SLC38A8: variants seen among roughly 807,000 people sequenced by gnomAD.
SLC38A8 encodes solute carrier family 38 member 8.
Under a neutral mutation model 46.0 loss-of-function variants are expected in SLC38A8, and 65 were observed. The ratio of observed to expected loss-of-function variants is 1.41; its 90% CI spans 1.16 to 1.74. SLC38A8 has a LOEUF of 1.74. Among genes scored for constraint, SLC38A8 ranks in the 40% most tolerant of loss-of-function variants. The probability of loss-of-function intolerance (pLI) is 0.00; values close to 1 mark genes in which losing one functional copy is unlikely to be tolerated. For synonymous variants in SLC38A8, 447 were observed against 243.7 expected, an observed-to-expected ratio of 1.83 and a Z score of -7.77; for missense variants, 998 against 567.9, an observed-to-expected ratio of 1.76 and a Z score of -7.70.
chr16:84,015,172 T>C (rs758389686), intron 9 of SLC38A8, among the ~76,000 whole-genome samples: 5 of 152,168 alleles, frequency 3.3e-5, no homozygotes, highest in African/African-American at 9.7e-5. Context: ...GAGTCTCGAC[T>C]GTGTACTCAA....
chr16:84,020,336 G>C (rs1453470847), intron 7 of SLC38A8, among the ~76,000 whole-genome samples: 4 of 152,102 alleles, frequency 2.6e-5, no homozygotes, highest in East Asian at 3.9e-4. Context: ...TGTAGAGACA[G>C]GGTCTCACTA....
chr16:84,010,916 G>A (rs1276811250), intron 10 of SLC38A8, among the ~76,000 whole-genome samples: 2 of 152,250 alleles, frequency 1.3e-5, no homozygotes, highest in East Asian at 1.9e-4. Context: ...GGAGGCAGAG[G>A]TGGCTGGGAC....
chr16:84,038,291 C>G (rs1472939317), intron 2 of SLC38A8, among the ~76,000 whole-genome samples: 1 of 151,534 alleles, frequency 6.6e-6, no homozygotes, highest in Admixed American at 6.6e-5. Context: ...AGCCTGGGCC[C>G]CAAAGCGAGA....
intron 6 of SLC38A8, among the ~76,000 whole-genome samples, chr16:84,026,412 A>C (rs539965341): frequency 1.1e-4 from 17 of 152,294 alleles, no homozygotes; most frequent in African/African-American, 4.1e-4. Context: ...TTTTTAGTGA[A>C]GATGGGGTTT....
rs1597277814 is a variant in SLC38A8 at position 84,036,575 on chromosome 16, G to A, written c.388+127C>T. On this transcript the variant is annotated intron_variant, in intron 3 of 10. Transcript: ENST00000299709. Reference sequence around the variant, plus strand: ...TCCCTACCATGTTAGGAACAAGAGTGTGGTTTCAGCCTCTGCTGTCCCTCA... The same window carrying A: ...TCCCTACCATGTTAGGAACAAGAGTATGGTTTCAGCCTCTGCTGTCCCTCA... The A allele has an allele frequency of 1.6e-5, 17 of 1,043,358 alleles. No homozygotes were observed. The East Asian group carries it at 4.4e-4, about 27-fold the overall frequency. The allele number at this position is 1,043,358 out of a possible 1,614,324, so 64.6% of individuals were successfully genotyped here. A position where few individuals can be genotyped will look rare whatever the true frequency, so the allele number is the denominator to read the frequency against.
chr16:84,042,233 T>C, intron 1 of SLC38A8, 74 bp from the exon 2 acceptor site: 1 of 1,490,180 alleles, frequency 6.7e-7, no homozygotes, highest in Non-Finnish European at 9.0e-7. Context: ...TATCCTTATT[T>C]GTCTCCCCAA....
intron 6 of SLC38A8, among the ~76,000 whole-genome samples, chr16:84,023,615 C>T (rs753701002): frequency 2.6e-4 from 39 of 152,160 alleles, no homozygotes; most frequent in South Asian, 2.1e-4. Flanking sequence ...ACATAGGTGC[C>T]GGGCACGCTG....
intron 5 of SLC38A8, 110 bp from the exon 6 acceptor site, chr16:84,029,661 C>T: frequency 2.8e-6 from 3 of 1,064,106 alleles, no homozygotes; most frequent in South Asian, 2.8e-5. Context: ...CAGAGCATGG[C>T]TGCAAGATGT....
At chr16:84,027,693 GT>G (rs1368523095) in intron 6 of SLC38A8, among the ~76,000 whole-genome samples, 1 of 152,118 alleles carries the variant, frequency 6.6e-6, no homozygotes, top group Non-Finnish European at 1.5e-5. Context: ...CACTCCTTCA[GT>G]TCCTATCCTT....
At chr16:84,024,031 C>T (rs570107641) in intron 6 of SLC38A8, among the ~76,000 whole-genome samples, 55 of 152,338 alleles carry the variant, frequency 3.6e-4, no homozygotes, top group African/African-American at 1.2e-3. Context: ...TCTTGGCAGC[C>T]GCCCTGTGTG....
intron 6 of SLC38A8, among the ~76,000 whole-genome samples, chr16:84,027,193 T>C (rs1240080749): frequency 6.6e-6 from 1 of 151,808 alleles, no homozygotes; most frequent in East Asian, 1.9e-4. Flanking sequence ...CTACTAAAAA[T>C]ACAAAAATTA....
At chr16:84,026,759 C>A (rs901849100) in intron 6 of SLC38A8, among the ~76,000 whole-genome samples, 6 of 152,172 alleles carry the variant, frequency 3.9e-5, no homozygotes, top group African/African-American at 1.4e-4. Context: ...TGGATGAATC[C>A]CACCAACACG....
chr16:84,011,214 T>A (rs895137177), intron 10 of SLC38A8, among the ~76,000 whole-genome samples: 7 of 152,156 alleles, frequency 4.6e-5, no homozygotes, highest in African/African-American at 1.7e-4. Context: ...GCTGATGTAT[T>A]AGAAGGACCC....
intron 10 of SLC38A8, among the ~76,000 whole-genome samples, chr16:84,011,843 C>T (rs1267943632): frequency 6.6e-6 from 1 of 152,128 alleles, no homozygotes; most frequent in African/African-American, 2.4e-5. Flanking sequence ...ACAATTACGC[C>T]ACTGCACTCC....
chr16:84,034,748 T>C (rs951604918), intron 3 of SLC38A8, among the ~76,000 whole-genome samples: 19 of 152,098 alleles, frequency 1.2e-4, no homozygotes, highest in African/African-American at 4.8e-5. Context: ...GCCAAGGGAC[T>C]GCACATGCCC....
intron 6 of SLC38A8, among the ~76,000 whole-genome samples, chr16:84,024,833 G>C (rs138073784): frequency 6.6e-6 from 1 of 152,008 alleles, no homozygotes; most frequent in Non-Finnish European, 1.5e-5. Flanking sequence ...GGGATTACAG[G>C]CACGCCCAGC....
intron 2 of SLC38A8, among the ~76,000 whole-genome samples, chr16:84,041,690 C>G (rs1430522948): frequency 1.3e-5 from 2 of 152,152 alleles, no homozygotes; most frequent in Admixed American, 6.5e-5. Context: ...AGGTTCCTTC[C>G]CAGGTGAAAT....
chr16:84,013,584 C>T (rs1244661277), intron 9 of SLC38A8, among the ~76,000 whole-genome samples: 1 of 151,768 alleles, frequency 6.6e-6, no homozygotes, highest in Non-Finnish European at 1.5e-5. Context: ...GTGCGTGCCA[C>T]CACACCCCGC....
At chr16:84,018,487 G>A (rs922603557) in intron 7 of SLC38A8, among the ~76,000 whole-genome samples, 1 of 152,050 alleles carries the variant, frequency 6.6e-6, no homozygotes, top group African/African-American at 2.4e-5. Flanking sequence ...CCAAAGTGCT[G>A]GGATTACAGG....
Sources: allele counts gnomAD v4.1 joint callset (sites outside exome capture counted in the v4.1 genomes callset), GRCh38; gene constraint gnomAD v4.1.1; transcripts MANE v1.5; gene names NCBI Gene and HGNC (gene_info 2026-07-23, HGNC 2026-07-21).